The following CDH18 variants were observed in gnomAD, a reference collection of about 807,000 sequenced individuals.
CDH18 encodes cadherin 18.
A neutral mutation model predicts 67.9 loss-of-function variants in CDH18; 31 were observed. That is an observed-to-expected ratio of 0.46 (90% confidence interval 0.34 to 0.62). The LOEUF is 0.62. Among genes scored for constraint, CDH18 ranks in the 20% least tolerant of loss-of-function variants. CDH18 has a pLI of 0.01. For synonymous variants in CDH18, 362 were observed against 347.2 expected (o/e 1.04, Z -0.48); for missense variants, 890 against 975.5 (o/e 0.91, Z 1.17).
At chr5:20,125,228 A>C (rs182097753) in intron 2 of CDH18, among the ~76,000 whole-genome samples, 2 of 152,262 alleles carry the variant, frequency 1.3e-5, no homozygotes, top group Admixed American at 1.3e-4. Context: ...GGAGTTCAGA[A>C]AGTACACTGA....
chr5:20,242,611 A>ATATAT (rs1334205442), intron 2 of CDH18, among the ~76,000 whole-genome samples: 26 of 39,468 alleles, frequency 6.6e-4, no homozygotes, highest in Non-Finnish European at 9.6e-4. Context: ...AAAAAAAAAA[A>ATATAT]ATATATATAT....
intron 2 of CDH18, among the ~76,000 whole-genome samples, chr5:20,058,120 A>C (rs184483015): frequency 1.9e-4 from 29 of 152,266 alleles, no homozygotes; most frequent in African/African-American, 5.8e-4. Context: ...TTTATAACAC[A>C]GTTGCCTTAG....
chr5:19,523,786 A>G (rs192649859), intron 9 of CDH18, among the ~76,000 whole-genome samples: 1 of 152,210 alleles, frequency 6.6e-6, no homozygotes, highest in East Asian at 1.9e-4. Context: ...ATTTATACCT[A>G]TAGGAAAACT....
chr5:20,046,459 T>G (rs1740902881), intron 2 of CDH18, among the ~76,000 whole-genome samples: 1 of 151,692 alleles, frequency 6.6e-6, no homozygotes, highest in Non-Finnish European at 1.5e-5. Flanking sequence ...GAGGTGTTTA[T>G]ATCAGAAATA....
intron 1 of CDH18, among the ~76,000 whole-genome samples, chr5:20,548,463 G>A (rs1387018501): frequency 6.6e-6 from 1 of 151,284 alleles, no homozygotes; most frequent in Non-Finnish European, 1.5e-5. Flanking sequence ...GTGTGTGTGT[G>A]TGTATACACA....
chr5:19,870,853 T>C (rs975254957), intron 2 of CDH18, among the ~76,000 whole-genome samples: 2 of 152,328 alleles, frequency 1.3e-5, no homozygotes, highest in Non-Finnish European at 2.9e-5. Context: ...TTTACCCATG[T>C]GGGCCACCAG....
chr5:20,381,557 C>T (rs73058725), intron 1 of CDH18, among the ~76,000 whole-genome samples: 8,591 of 152,112 alleles, frequency 0.056, 780 homozygotes, highest in African/African-American at 0.19. Context: ...CTTCCTACCC[C>T]CTAAAACAAG....
At chr5:20,452,772 A>T in intron 1 of CDH18, among the ~76,000 whole-genome samples, 1 of 152,170 alleles carries the variant, frequency 6.6e-6, no homozygotes, top group East Asian at 1.9e-4. Flanking sequence ...AAAGCTTAAA[A>T]AGTTAAGCTT....
At chr5:19,684,996 G>T (rs1279142329) in intron 5 of CDH18, among the ~76,000 whole-genome samples, 1 of 152,078 alleles carries the variant, frequency 6.6e-6, no homozygotes, top group Non-Finnish European at 1.5e-5. Flanking sequence ...ATAAATTAAA[G>T]ATTCTGACTG....
At chr5:19,723,404 A>G (rs1766371111) in intron 4 of CDH18, among the ~76,000 whole-genome samples, 1 of 152,244 alleles carries the variant, frequency 6.6e-6, no homozygotes, top group South Asian at 2.1e-4. Context: ...TTATTAGCAT[A>G]TCATAAATAT....
At chr5:19,790,975 C>T (rs10473158) in intron 3 of CDH18, among the ~76,000 whole-genome samples, 1 of 151,650 alleles carries the variant, frequency 6.6e-6, no homozygotes, top group South Asian at 2.1e-4. Flanking sequence ...TGAACACCTG[C>T]TGGATGGAAG....
intron 1 of CDH18, among the ~76,000 whole-genome samples, chr5:20,506,016 G>A (rs910624512): frequency 6.6e-6 from 1 of 152,112 alleles, no homozygotes; most frequent in African/African-American, 2.4e-5. Context: ...AGGACATGAT[G>A]ACTGACTAGA....
intron 2 of CDH18, among the ~76,000 whole-genome samples, chr5:19,856,404 C>T (rs1472621170): frequency 1.3e-5 from 2 of 152,124 alleles, no homozygotes; most frequent in East Asian, 3.9e-4. Context: ...ATATAAAAGA[C>T]TGGGCAGATG....
chr5:20,367,054 C>T (rs1314445140), intron 1 of CDH18, among the ~76,000 whole-genome samples: 1 of 152,166 alleles, frequency 6.6e-6, no homozygotes, highest in African/African-American at 2.4e-5. Flanking sequence ...TCAGCCACTT[C>T]TAACCAGCTT....
chr5:20,182,690 T>C (rs1269888294), intron 2 of CDH18, among the ~76,000 whole-genome samples: 1 of 151,162 alleles, frequency 6.6e-6, no homozygotes, highest in Admixed American at 6.6e-5. Context: ...TCTTGTTTTA[T>C]AAAATGGCTA....
intron 2 of CDH18, among the ~76,000 whole-genome samples, chr5:20,127,615 A>G (rs1748939993): frequency 6.6e-6 from 1 of 152,134 alleles, no homozygotes; most frequent in Non-Finnish European, 1.5e-5. Flanking sequence ...ACACTGCATG[A>G]TTTTACTTAG....
chr5:19,526,933 T>C (rs1747833768), intron 9 of CDH18, among the ~76,000 whole-genome samples: 1 of 151,962 alleles, frequency 6.6e-6, no homozygotes, highest in Admixed American at 6.5e-5. Flanking sequence ...TATAGCTGTC[T>C]AAGTTTCATA....
intron 1 of CDH18, among the ~76,000 whole-genome samples, chr5:20,410,368 A>C (rs1746663521): frequency 6.6e-6 from 1 of 151,880 alleles, no homozygotes; most frequent in Non-Finnish European, 1.5e-5. Flanking sequence ...ACATTAACGA[A>C]ATAAAAACTT....
At chr5:20,024,051 T>C (rs1738674658) in intron 2 of CDH18, among the ~76,000 whole-genome samples, 1 of 152,180 alleles carries the variant, frequency 6.6e-6, no homozygotes, top group Admixed American at 6.5e-5. Context: ...GGAGTGAGTG[T>C]TAAACAAATG....
Sources: allele counts gnomAD v4.1 joint callset (sites outside exome capture counted in the v4.1 genomes callset), GRCh38; gene constraint gnomAD v4.1.1; transcripts MANE v1.5; gene names NCBI Gene and HGNC (gene_info 2026-07-23, HGNC 2026-07-21).